OR6C68: variants seen among roughly 807,000 people sequenced by gnomAD.
OR6C68 encodes olfactory receptor family 6 subfamily C member 68, also known as olfactory receptor 6C68.
For missense variants in OR6C68, 440 were observed against 368.5 expected (o/e 1.19, Z -1.59); for synonymous variants, 161 against 129.8 (o/e 1.24, Z -1.63).
At position 55,492,622 on chromosome 12, in the gene OR6C68, G is replaced by T. The variant is rs1156672443; in HGVS notation, c.245G>T (p.Ser82Ile). The T allele has an allele frequency of 6.2e-7, 1 of 1,613,410 alleles. No individual in the cohort carries two copies. Among genetic ancestry groups the T allele is most frequent in the Non-Finnish European group, 8.5e-7 (1 of 1,179,540 alleles). ...TATCVPRFLY[S>I]ISTGNKIITY... is the part of the protein sequence containing the mutation. ...ACCTGTGTTCCAAGATTCTTATACA[G>T]TATCTCAACTGGGAACAAAATAATA... The change falls in exon 1 of 1, where the codon AGT (serine) becomes ATT (isoleucine). Residue 82 changes from serine to isoleucine, a missense_variant. Transcript: ENST00000548615.
rs761065121 is a variant in OR6C68 at position 55,493,245 on chromosome 12, CTT to C, written c.869_870del (p.Leu290GlnfsTer3). On this transcript the variant is annotated frameshift_variant, in exon 1 of 1. Transcript: ENST00000548615. LOFTEE classifies it low-confidence loss of function (END_TRUNC). The stretch of plus-strand genomic sequence containing the variant: ...TATGTTGAATTCTTTCATATATACT[CTT>C]AGGAATGAGCAAGTTAAACAAGCCT... ...SPMLNSFIYT[L>X]RNEQVKQAFH... is the part of the protein sequence containing the mutation. 2 of 1,605,220 alleles carry C rather than the reference CTT, an allele frequency of 1.2e-6. No individual in the cohort carries two copies. Among genetic ancestry groups the C allele is most frequent in the African/African-American group, 2.7e-5 (2 of 74,434 alleles).
rs1872534364 is a variant in OR6C68, at chr12:55,493,078, A to G, written c.701A>G (p.Lys234Arg). 1.2e-6 allele frequency: 2 copies of G among 1,605,452 alleles called. No individual in the cohort carries two copies. The highest frequency in any genetic ancestry group is 1.7e-6 in the Non-Finnish European group (2 of 1,177,280). The change falls in exon 1 of 1, where the codon AAA becomes AGA. Residue 234 changes from lysine (K) to arginine (R), a missense_variant. Transcript: ENST00000548615. ...TTCCCTTCTGTTCAACAAAAGAAAAAAGCCTTTTCTACCTGTTCTTCACAT... is the reference window on the plus strand; with the variant it reads ...TTCCCTTCTGTTCAACAAAAGAAAAGAGCCTTTTCTACCTGTTCTTCACAT... ...LKFPSVQQKK[K>R]AFSTCSSHIT...
Position 55,492,716 on chromosome 12 carries a change from G to T in OR6C68, c.339G>T (p.Leu113Phe). 6.2e-7 allele frequency: 1 copy of T among 1,613,822 alleles called. No individual in the cohort carries two copies. Among genetic ancestry groups the T allele is most frequent in the Non-Finnish European group, 8.5e-7 (1 of 1,179,940 alleles). The change falls in exon 1 of 1, where the codon TTG (leucine) becomes TTT (phenylalanine). Residue 113 changes from leucine (L) to phenylalanine (F), a missense_variant. Leu to Phe is a conservative substitution (Grantham distance 22). Transcript: ENST00000548615. ...DLFGVTEFFL[L>F]ATMSYDRYVA... The stretch of plus-strand genomic sequence containing the variant: ...TTGGGGTAACTGAATTTTTTCTTTT[G>T]GCTACCATGTCATATGATCGCTATG...
Position 55,492,499 on chromosome 12 carries a change from T to C in OR6C68, c.122T>C (p.Leu41Pro). 1 of 1,613,878 alleles carries C rather than the reference T, an allele frequency of 6.2e-7. No homozygotes were observed. ...ITYMLSVTGK[L>P]TIIALTMLDP... ...TACATGTTGAGTGTAACAGGGAAACTGACCATTATCGCCCTCACCATGTTG... is the reference window on the plus strand; with the variant it reads ...TACATGTTGAGTGTAACAGGGAAACCGACCATTATCGCCCTCACCATGTTG... The change falls in exon 1 of 1, where the codon CTG (leucine) becomes CCG (proline). Residue 41 changes from leucine (L) to proline (P), a missense_variant. Leu to Pro is a moderately conservative substitution (Grantham distance 98). Coordinates refer to ENST00000548615, the MANE Select transcript of OR6C68 (RefSeq NM_001005519.2).
Position 55,493,097 on chromosome 12 carries a change from T to C in OR6C68, c.720T>C (p.Ser240=). ...QQKKKAFSTC[S]SHITVVSITY... ...AGAAAAAAGCCTTTTCTACCTGTTCTTCACATATTACTGTGGTTTCCATCA... is the reference window on the plus strand; with the variant it reads ...AGAAAAAAGCCTTTTCTACCTGTTCCTCACATATTACTGTGGTTTCCATCA... Residue 240 remains serine (S), a synonymous_variant, in exon 1 of 1, where the codon TCT becomes TCC. Coordinates refer to ENST00000548615, the MANE Select transcript of OR6C68 (RefSeq NM_001005519.2). 1 of 1,608,388 alleles carries C rather than the reference T, an allele frequency of 6.2e-7. No homozygotes were observed. Among genetic ancestry groups the C allele is most frequent in the Non-Finnish European group, 8.5e-7 (1 of 1,178,578 alleles).
chr12:55,492,625 T>C lies in OR6C68; in HGVS notation c.248T>C (p.Ile83Thr), dbSNP rs780580231. 18 of 1,613,708 alleles carry C rather than the reference T, an allele frequency of 1.1e-5. No homozygotes were observed. The East Asian group carries it at 3.6e-4, about 32-fold the overall frequency. ...TGTGTTCCAAGATTCTTATACAGTA[T>C]CTCAACTGGGAACAAAATAATAACG... ...ATCVPRFLYS[I>T]STGNKIITYN... Residue 83 changes from isoleucine to threonine, a missense_variant, in exon 1 of 1, where the codon ATC becomes ACC. Transcript: ENST00000548615.
Position 55,492,726 on chromosome 12 carries a change from T to C in OR6C68, c.349T>C (p.Ser117Pro). 3 of 1,614,148 alleles carry C rather than the reference T, an allele frequency of 1.9e-6. No individual in the cohort carries two copies. Among genetic ancestry groups the C allele is most frequent in the Non-Finnish European group, 2.5e-6 (3 of 1,179,988 alleles). The change falls in exon 1 of 1, where the codon TCA (serine) becomes CCA (proline). Residue 117 changes from serine (S) to proline (P), a missense_variant. Coordinates refer to ENST00000548615, the MANE Select transcript of OR6C68 (RefSeq NM_001005519.2). Reference sequence around the variant, plus strand: ...TGAATTTTTTCTTTTGGCTACCATGTCATATGATCGCTATGTGGCCATCTG... The same window carrying C: ...TGAATTTTTTCTTTTGGCTACCATGCCATATGATCGCTATGTGGCCATCTG... Reference protein sequence around the residue: ...VTEFFLLATMSYDRYVAICKP... With the variant: ...VTEFFLLATMPYDRYVAICKP...
In OR6C68 at chr12:55,492,719, T is replaced by G; in HGVS notation, c.342T>G (p.Ala114=). Residue 114 remains alanine, a synonymous_variant, in exon 1 of 1, where the codon GCT becomes GCG. Coordinates refer to ENST00000548615, the MANE Select transcript of OR6C68 (RefSeq NM_001005519.2). ...GGGTAACTGAATTTTTTCTTTTGGC[T>G]ACCATGTCATATGATCGCTATGTGG... ...LFGVTEFFLL[A]TMSYDRYVAI... is the part of the protein sequence containing the mutation. 2 of 1,614,156 alleles carry G rather than the reference T, an allele frequency of 1.2e-6. No individual in the cohort carries two copies.
rs768185595 is a variant in OR6C68 at position 55,493,191 on chromosome 12, G to T, written c.814G>T (p.Val272Leu). The change falls in exon 1 of 1, where the codon GTG (valine) becomes TTG (leucine). Residue 272 changes from valine (V) to leucine (L), a missense_variant. Physicochemically the swap from Val to Leu is conservative, Grantham distance 32. Transcript: ENST00000548615. ...AGAAGAGGTAAACATTAATAAAGGT[G>T]TGTCAGTGCTTATTTCATCCATATC... ...AKEEVNINKG[V>L]SVLISSISPM... 6.2e-6 allele frequency: 10 copies of T among 1,613,364 alleles called. No homozygotes were observed. The South Asian group carries it at 9.9e-5, about 16-fold the overall frequency.
At position 55,493,282 on chromosome 12, in the gene OR6C68, C is replaced by T. The variant is rs1872541000; in HGVS notation, c.905C>T (p.Ser302Leu). 2 of 1,572,530 alleles carry T rather than the reference C, an allele frequency of 1.3e-6. No homozygotes were observed. The highest frequency in any genetic ancestry group is 1.4e-5 in the African/African-American group (1 of 72,502). Residue 302 changes from serine to leucine, a missense_variant, in exon 1 of 1, where the codon TCA becomes TTA. Physicochemically the swap from Ser to Leu is moderately radical, Grantham distance 145. Coordinates refer to ENST00000548615, the MANE Select transcript of OR6C68 (RefSeq NM_001005519.2). The stretch of plus-strand genomic sequence containing the variant: ...CAAGTTAAACAAGCCTTTCATGACT[C>T]ACTCAAAAAAATTGCATTTCGTTTA... ...NEQVKQAFHD[S>L]LKKIAFRLKK is the part of the protein sequence containing the mutation.
rs140958865 is a variant in OR6C68 at position 55,492,485 on chromosome 12, T to C, written c.108T>C (p.Ser36=). Residue 36 remains serine, a synonymous_variant, in exon 1 of 1, where the codon AGT becomes AGC. Transcript: ENST00000548615. ...FMFLFITYML[S]VTGKLTIIAL... is the part of the protein sequence containing the mutation. ...TTCTATTTATCACCTACATGTTGAG[T>C]GTAACAGGGAAACTGACCATTATCG... The C allele has an allele frequency of 4.3e-6, 7 of 1,613,804 alleles. No homozygotes were observed. The East Asian group carries it at 1.6e-4, about 36-fold the overall frequency.
chr12:55,492,521 G>T lies in OR6C68; in HGVS notation c.144G>T (p.Met48Ile). The T allele has an allele frequency of 1.9e-6, 3 of 1,613,978 alleles. No homozygotes were observed. Among genetic ancestry groups the T allele is most frequent in the South Asian group, 1.1e-5 (1 of 91,046 alleles). ...AACTGACCATTATCGCCCTCACCAT[G>T]TTGGATCCCCACCTGAAAACACCCA... ...TGKLTIIALT[M>I]LDPHLKTPMY... Residue 48 changes from methionine to isoleucine, a missense_variant, in exon 1 of 1, where the codon ATG becomes ATT. By Grantham distance (10) the Met-to-Ile change is conservative. Transcript: ENST00000548615.
Position 55,493,212 on chromosome 12 carries a change from A to G in OR6C68, c.835A>G (p.Ile279Val), listed in dbSNP as rs765479896. ...AGGTGTGTCAGTGCTTATTTCATCC[A>G]TATCACCTATGTTGAATTCTTTCAT... ...NKGVSVLISS[I>V]SPMLNSFIYT... Residue 279 changes from isoleucine (I) to valine (V), a missense_variant, in exon 1 of 1, where the codon ATA becomes GTA. Transcript: ENST00000548615. 6.2e-6 allele frequency: 10 copies of G among 1,612,556 alleles called. No homozygotes were observed. In the Admixed American group the frequency reaches 1.5e-4, roughly 24 times the overall value.
chr12:55,493,129 G>T lies in OR6C68; in HGVS notation c.752G>T (p.Gly251Val). Residue 251 changes from glycine to valine, a missense_variant, in exon 1 of 1, where the codon GGC (glycine) becomes GTC (valine). By Grantham distance (109) the Gly-to-Val change is moderately radical. Transcript: ENST00000548615. ...SHITVVSITY[G>V]SCIFIYIKPS... ...ATTACTGTGGTTTCCATCACTTATG[G>T]CAGCTGCATCTTCATCTATATCAAG... 6.2e-7 allele frequency: 1 copy of T among 1,612,532 alleles called. No homozygotes were observed.
Position 55,492,828 on chromosome 12 carries a change from C to G in OR6C68, c.451C>G (p.Leu151Val). 3 of 1,614,092 alleles carry G rather than the reference C, an allele frequency of 1.9e-6. No individual in the cohort carries two copies. The highest frequency in any genetic ancestry group is 2.5e-6 in the Non-Finnish European group (3 of 1,179,962). ...GGTTATTTGTTGTTGGATGGCAGCACTTATGATTATCCTCCCACCACTTAG... is the reference window on the plus strand; with the variant it reads ...GGTTATTTGTTGTTGGATGGCAGCAGTTATGATTATCCTCCCACCACTTAG... ...TMVICCWMAALMIILPPLSLG... is the reference protein window; with the variant it reads ...TMVICCWMAAVMIILPPLSLG... Residue 151 changes from leucine (L) to valine (V), a missense_variant, in exon 1 of 1, where the codon CTT (leucine) becomes GTT (valine). Physicochemically the swap from Leu to Val is conservative, Grantham distance 32 (BLOSUM62 1). Transcript: ENST00000548615.
Sources: gnomAD v4.1 joint callset for allele counts on GRCh38, gnomAD v4.1.1 for gene constraint, MANE v1.5 for transcripts, NCBI Gene and HGNC (gene_info 2026-07-23, HGNC 2026-07-21) for gene names.